SUN3: variants seen among roughly 807,000 people sequenced by gnomAD.
SUN3 encodes SUN domain-containing protein 3.
A neutral mutation model predicts 48.2 loss-of-function variants in SUN3; 36 were observed. The observed-to-expected ratio is 0.75, with a 90% CI of 0.57 to 0.99. The LOEUF (loss-of-function observed/expected upper bound fraction) is 0.99, where lower values mean the gene tolerates loss of function less well. Among genes scored for constraint, SUN3 ranks in the 50% least tolerant of loss-of-function variants. The pLI is 0.00. For missense variants in SUN3, 419 were observed against 433.1 expected, an observed-to-expected ratio of 0.97 and a Z score of 0.29; for synonymous variants, 148 against 147.9, an observed-to-expected ratio of 1.00 and a Z score of 0.00.
At chr7:48,034,501 G>C in the SUN3 span, among the ~76,000 whole-genome samples, 1 of 152,136 alleles carries the variant, frequency 6.6e-6, no homozygotes, top group Non-Finnish European at 1.5e-5. Context: ...GCAGTCGTTG[G>C]AACAACAGGA....
At chr7:48,000,344 G>T (rs1322727399) in intron 6 of SUN3, among the ~76,000 whole-genome samples, 5 of 152,074 alleles carry the variant, frequency 3.3e-5, no homozygotes, top group Admixed American at 6.6e-5. Context: ...CACCATGTTG[G>T]CCAGGCTAGT....
At chr7:48,015,803 C>A (rs1196838421) in intron 3 of SUN3, among the ~76,000 whole-genome samples, 1 of 152,178 alleles carries the variant, frequency 6.6e-6, no homozygotes. Context: ...ATGCTTCTAA[C>A]TTTTAAGCTG....
chr7:48,027,607 A>G lies in SUN3; in HGVS notation c.122+1210T>C, dbSNP rs189429671. The stretch of plus-strand genomic sequence containing the variant: ...AAATTTCTACTTAAAACATAAGAAA[A>G]ATCACATTAAGATGGACCATTCATT... On this transcript the variant is annotated intron_variant, in intron 1 of 9. Transcript: ENST00000297325. Among the ~76,000 whole-genome samples, 254 of 152,368 alleles carry G rather than the reference A, an allele frequency of 1.7e-3. 1 individual carries two copies. Among genetic ancestry groups the G allele is most frequent in the African/African-American group, 5.6e-3 (232 of 41,592 alleles).
chr7:47,987,419 T>TCA lies in SUN3; in HGVS notation c.983_984dup (p.Lys329Ter). On this transcript the variant is annotated frameshift_variant, in exon 10 of 10. Transcript: ENST00000297325. LOFTEE classifies it high-confidence loss of function. ...CCCCAGTTGCTAAAGATATTAAGTT[T>TCA]CACACATAATAAATATTCAGAAACT... 1 of 1,589,030 alleles carries TCA rather than the reference T, an allele frequency of 6.3e-7. No homozygotes were observed. The highest frequency in any genetic ancestry group is 8.6e-7 in the Non-Finnish European group (1 of 1,169,266).
intron 3 of SUN3, among the ~76,000 whole-genome samples, chr7:48,009,551 C>A (rs1020560453): frequency 2.0e-5 from 3 of 152,012 alleles, no homozygotes; most frequent in African/African-American, 4.8e-5. Flanking sequence ...CTCCCACTTA[C>A]AAATAAGAAA....
chr7:48,025,098 C>T (rs1418194009), intron 2 of SUN3, among the ~76,000 whole-genome samples: 2 of 152,122 alleles, frequency 1.3e-5, no homozygotes, highest in East Asian at 1.9e-4. Context: ...AATAAGCACA[C>T]ATACACACTT....
Position 48,007,228 on chromosome 7 carries a change from A to C in SUN3, c.429T>G (p.Gly143=), listed in dbSNP as rs753642528. 1 of 1,614,102 alleles carries C rather than the reference A, an allele frequency of 6.2e-7. No homozygotes were observed. Among genetic ancestry groups the C allele is most frequent in the Non-Finnish European group, 8.5e-7 (1 of 1,180,024 alleles). The change falls in exon 5 of 10, where the codon GGT becomes GGG. Residue 143 remains glycine, a synonymous_variant. Coordinates refer to ENST00000297325, the MANE Select transcript of SUN3 (RefSeq NM_001030019.2). ...TGTTCCAGTTGTGATTATTGTCCAT[A>C]CCATCCTTCATATCTCTTAGCAATG... The part of the protein sequence containing the change: ...LKALLRDMKD[G]MDNNHNWNTH...
chr7:47,996,950 C>T (rs181194845), intron 6 of SUN3, among the ~76,000 whole-genome samples: 38 of 151,938 alleles, frequency 2.5e-4, no homozygotes, highest in Non-Finnish European at 3.8e-4. Context: ...TACAGGCGCC[C>T]GCCACCACGC....
chr7:47,990,939 G>A, intron 8 of SUN3: 1 of 395,736 alleles, frequency 2.5e-6, no homozygotes, highest in Non-Finnish European at 4.8e-6. Flanking sequence ...CAGACACTGA[G>A]ATCTACTTGA....
At chr7:47,988,023 G>C (rs1353658275) in intron 9 of SUN3, among the ~76,000 whole-genome samples, 1 of 152,108 alleles carries the variant, frequency 6.6e-6, no homozygotes, top group African/African-American at 2.4e-5. Context: ...CGAGGAGCAG[G>C]GGCAAGAGGG....
In SUN3 at chr7:48,007,344, T is replaced by G. The variant is rs1371471220; in HGVS notation, c.330-17A>C. Reference sequence around the variant, plus strand: ...CTTTCCTTCCTGTAAAGGGAAAATCTCAGCATGAGAGGAAGAAAGTGTAAA... The same window carrying G: ...CTTTCCTTCCTGTAAAGGGAAAATCGCAGCATGAGAGGAAGAAAGTGTAAA... On this transcript the variant is annotated splice_polypyrimidine_tract_variant and intron_variant, in intron 4 of 9. Coordinates refer to ENST00000297325, the MANE Select transcript of SUN3 (RefSeq NM_001030019.2). 3 of 1,609,744 alleles carry G rather than the reference T, an allele frequency of 1.9e-6. No homozygotes were observed. In the African/African-American group the frequency reaches 4.0e-5, roughly 21 times the overall value.
At chr7:48,028,496 AAAAAAAAAAAAAG>A (rs1434419650) in intron 1 of SUN3, among the ~76,000 whole-genome samples, 1 of 150,882 alleles carries the variant, frequency 6.6e-6, no homozygotes, top group Non-Finnish European at 1.5e-5. Flanking sequence ...AAAAAAAAAA[AAAAAAAAAAAAAG>A]TGAATTATCT....
chr7:48,035,369 C>A, the SUN3 span: 6 of 607,062 alleles, frequency 9.9e-6, no homozygotes, highest in South Asian at 1.1e-4. The surrounding 1 kb of genome is among the most constrained non-coding windows in gnomAD (Gnocchi z 4.0). Flanking sequence ...CGGCTCTGGG[C>A]TACGGGCAGT....
intron 7 of SUN3, 99 bp from the exon 8 acceptor site, chr7:47,994,581 G>T: frequency 1.6e-6 from 2 of 1,289,384 alleles, no homozygotes; most frequent in Non-Finnish European, 2.1e-6. Context: ...TCTCTCTTAT[G>T]CCTATCAAAT....
In SUN3 at chr7:47,991,615, A is replaced by C. The variant is rs1289535669; in HGVS notation, c.861+2700T>G. Among the ~76,000 whole-genome samples the C allele has an allele frequency of 3.0e-3, 454 of 152,138 alleles. 5 individuals are homozygous for C. The highest frequency in any genetic ancestry group is 0.01 in the African/African-American group (416 of 41,500). ...AAACCAAAAAACAAAACAAAACAAA[A>C]CAAAACAAACCCCAAAACAAACAAA... On this transcript the variant is annotated intron_variant, in intron 8 of 9. Transcript: ENST00000297325.
chr7:48,032,630 T>G (rs1290929898), upstream of SUN3, among the ~76,000 whole-genome samples: 2 of 152,250 alleles, frequency 1.3e-5, no homozygotes, highest in Non-Finnish European at 2.9e-5. Context: ...ACCTTGTCTT[T>G]AAATTACTCA....
At chr7:48,004,031 G>A (rs1405353399) in intron 6 of SUN3, among the ~76,000 whole-genome samples, 3 of 151,838 alleles carry the variant, frequency 2.0e-5, no homozygotes, top group East Asian at 1.9e-4. Context: ...TTTAGATATC[G>A]TATTTTTCAG....
intron 6 of SUN3, among the ~76,000 whole-genome samples, chr7:47,999,188 T>A (rs1324513579): frequency 6.6e-6 from 1 of 152,202 alleles, no homozygotes; most frequent in Non-Finnish European, 1.5e-5. Flanking sequence ...GTTTTTTAGT[T>A]TTTAGCTCTC....
At chr7:48,004,584 G>A (rs76683597) in intron 6 of SUN3, among the ~76,000 whole-genome samples, 15,104 of 152,268 alleles carry the variant, frequency 0.099, 2,444 homozygotes, top group African/African-American at 0.34. Context: ...GAAGCTGGCC[G>A]CAAACAGACA....
Sources: gnomAD v4.1 joint callset for allele counts (sites outside exome capture counted in the v4.1 genomes callset) on GRCh38, gnomAD v4.1.1 for gene constraint, Gnocchi (gnomAD v3.1) non-coding constraint, MANE v1.5 for transcripts, NCBI Gene and HGNC (gene_info 2026-07-23, HGNC 2026-07-21) for gene names.